BRAF: variants seen among roughly 807,000 people sequenced by gnomAD.
BRAF encodes the protein serine/threonine-protein kinase B-raf.
Under a neutral mutation model 104.6 loss-of-function variants are expected in BRAF, and 16 were observed. The observed-to-expected ratio is 0.15, with a 90% CI of 0.10 to 0.23. The LOEUF is 0.23. Among genes scored for constraint, BRAF ranks in the 10% least tolerant of loss-of-function variants. The pLI, the probability that BRAF is intolerant of heterozygous loss-of-function variation, is 1.00. For missense variants in BRAF, 541 were observed against 937.3 expected, an observed-to-expected ratio of 0.58 and a Z score of 5.52; for synonymous variants, 310 against 341.6, an observed-to-expected ratio of 0.91 and a Z score of 1.02.
intron 19 of BRAF, among the ~76,000 whole-genome samples, chr7:140,729,245 TACACACACAC>T (rs574079438): frequency 6.6e-6 from 1 of 151,124 alleles, no homozygotes; most frequent in East Asian, 2.0e-4. Context: ...CAAAACAAAA[TACACACACAC>T]ACGCACACAA....
intron 16 of BRAF, among the ~76,000 whole-genome samples, chr7:140,750,528 AC>A (rs1797702042): frequency 6.6e-6 from 1 of 152,228 alleles, no homozygotes; most frequent in Admixed American, 6.5e-5. Flanking sequence ...CTAGTGTCCA[AC>A]CAAAGTTGAG....
chr7:140,902,198 T>C (rs1253048570), intron 1 of BRAF, among the ~76,000 whole-genome samples: 1 of 152,264 alleles, frequency 6.6e-6, no homozygotes, highest in Non-Finnish European at 1.5e-5. Flanking sequence ...ATTTCAGTAA[T>C]TCTCATAGTA....
chr7:140,716,484 A>G (rs1795132562), downstream of BRAF, among the ~76,000 whole-genome samples: 1 of 152,198 alleles, frequency 6.6e-6, no homozygotes, highest in Admixed American at 6.5e-5. Flanking sequence ...CTGGGATCCC[A>G]GTTTGATTTT....
chr7:140,868,893 T>G (rs1257749239), intron 1 of BRAF, among the ~76,000 whole-genome samples: 1 of 152,118 alleles, frequency 6.6e-6, no homozygotes, highest in African/African-American at 2.4e-5. Context: ...ATCAGACTGA[T>G]AGTGGAAGAG....
chr7:140,892,144 C>T (rs1814298241), intron 1 of BRAF, among the ~76,000 whole-genome samples: 1 of 151,994 alleles, frequency 6.6e-6, no homozygotes, highest in Admixed American at 6.6e-5. Context: ...ACCTGTAGTC[C>T]CAACTACTTG....
rs1382810054 is a variant in BRAF at position 140,834,463 on chromosome 7, A to G, written c.504+146T>C. The G allele has an allele frequency of 6.2e-6, 7 of 1,132,352 alleles. No homozygotes were observed. In the African/African-American group the frequency reaches 1.1e-4, roughly 18 times the overall value. 70.1% of individuals were successfully genotyped at this position (1,132,352 alleles called of 1,614,324 possible). A position where few individuals can be genotyped will look rare whatever the true frequency, so the allele number is the denominator to read the frequency against. On this transcript the variant is annotated intron_variant, in intron 3 of 19. Coordinates refer to ENST00000644969, the MANE Select transcript of BRAF (RefSeq NM_001374258.1). ...GGAATATAGACTTTGCCACCAAATA[A>G]TTACATATTTTTCATTCCTGTATGA...
At chr7:140,907,879 G>A (rs1816508217) in intron 1 of BRAF, among the ~76,000 whole-genome samples, 1 of 151,958 alleles carries the variant, frequency 6.6e-6, no homozygotes, top group Non-Finnish European at 1.5e-5. Flanking sequence ...TGAGCAGCTG[G>A]GATTACAGGT....
intron 1 of BRAF, among the ~76,000 whole-genome samples, chr7:140,876,163 G>A (rs1333921898): frequency 6.6e-6 from 1 of 152,172 alleles, no homozygotes; most frequent in Non-Finnish European, 1.5e-5. Context: ...TAAGAGAAAA[G>A]GTGGAGAGAA....
Position 140,912,642 on chromosome 7 carries a change from C to T in BRAF, c.138+11924G>A, listed in dbSNP as rs184014413. On this transcript the variant is annotated intron_variant, in intron 1 of 19. Transcript: ENST00000644969. The stretch of plus-strand genomic sequence containing the variant: ...TTCCCCTTTACAGGATAATTCCTCA[C>T]CATCTTTACTTCCCCTCCTCTTCTC... 9.8e-5 allele frequency among the ~76,000 whole-genome samples: 15 copies of T among 152,308 alleles called. No individual in the cohort carries two copies. The East Asian group carries it at 2.7e-3, about 27-fold the overall frequency.
intron 14 of BRAF, among the ~76,000 whole-genome samples, chr7:140,774,684 A>T (rs1021544977): frequency 6.6e-6 from 1 of 152,052 alleles, no homozygotes; most frequent in African/African-American, 2.4e-5. Flanking sequence ...ACCTTGCTAA[A>T]TTTTTTATTT....
At chr7:140,841,175 C>T (rs1348338719) in intron 2 of BRAF, among the ~76,000 whole-genome samples, 1 of 151,884 alleles carries the variant, frequency 6.6e-6, no homozygotes, top group African/African-American at 2.4e-5. Flanking sequence ...CAAATCAAAA[C>T]CAAATGAAAT....
At chr7:140,791,458 C>G (rs62487920) in intron 8 of BRAF, among the ~76,000 whole-genome samples, 1 of 152,104 alleles carries the variant, frequency 6.6e-6, no homozygotes, top group East Asian at 1.9e-4. Flanking sequence ...AGAGCCAGCC[C>G]ATAAAGGAGA....
chr7:140,763,530 A>G (rs1399707964), intron 14 of BRAF, among the ~76,000 whole-genome samples: 1 of 152,256 alleles, frequency 6.6e-6, no homozygotes, highest in Admixed American at 6.5e-5. Context: ...AAGGATCAAC[A>G]AAATTGATAG....
At chr7:140,811,964 T>C (rs1238236312) in intron 3 of BRAF, among the ~76,000 whole-genome samples, 1 of 152,202 alleles carries the variant, frequency 6.6e-6, no homozygotes, top group African/African-American at 2.4e-5. Context: ...CCATTCGTCT[T>C]CCGCCTATAC....
intron 14 of BRAF, among the ~76,000 whole-genome samples, chr7:140,763,415 C>G (rs1231759245): frequency 7.1e-3 from 870 of 123,192 alleles, no homozygotes; most frequent in Middle Eastern, 0.056. Flanking sequence ...GGCGGCCGGG[C>G]AGAGGCGCCC....
intron 3 of BRAF, among the ~76,000 whole-genome samples, chr7:140,824,973 CTT>C (rs201596326): frequency 1.4e-4 from 19 of 139,852 alleles, no homozygotes; most frequent in Non-Finnish European, 1.9e-4. Flanking sequence ...GTTGTTTTTT[CTT>C]TTTTTTTTTT....
chr7:140,741,027 G>C (rs12703056), intron 17 of BRAF: 2 of 152,204 alleles, frequency 1.3e-5, no homozygotes, highest in African/African-American at 2.4e-5. Context: ...GGAGCAACAA[G>C]TGACAAGCAA....
rs1211735058 is a variant in BRAF, at chr7:140,724,142, A to G, written c.*2352T>C. 1.9e-6 allele frequency: 2 copies of G among 1,053,936 alleles called. No homozygotes were observed. Among genetic ancestry groups the G allele is most frequent in the African/African-American group, 3.3e-5 (2 of 60,310 alleles). The allele number at this position is 1,053,936 out of a possible 1,614,324, so 65.3% of individuals were successfully genotyped here. On this transcript the variant is annotated 3_prime_UTR_variant, in exon 20 of 20. Transcript: ENST00000644969. ...TAAAATGCAAGGGAAGAAAAAGTGT[A>G]TCACCCTGAATATTGTTTAAGAAAC...
At chr7:140,844,195 C>T (rs564954741) in intron 2 of BRAF, among the ~76,000 whole-genome samples, 7 of 151,598 alleles carry the variant, frequency 4.6e-5, no homozygotes, top group Middle Eastern at 3.4e-3. Context: ...TCTGTAAGGG[C>T]GCACCCTTCT....
Sources: gnomAD v4.1 joint callset for allele counts (sites outside exome capture counted in the v4.1 genomes callset) on GRCh38, gnomAD v4.1.1 for gene constraint, MANE v1.5 for transcripts, NCBI Gene and HGNC (gene_info 2026-07-23, HGNC 2026-07-21) for gene names.